SYT9: variants seen among roughly 807,000 people sequenced by gnomAD.
SYT9 encodes synaptotagmin-9.
In SYT9, 22 loss-of-function variants were observed where a neutral mutation model predicts 48.4. The ratio of observed to expected loss-of-function variants is 0.45; its 90% CI spans 0.32 to 0.65. The LOEUF (loss-of-function observed/expected upper bound fraction) is 0.65, where lower values mean the gene tolerates loss of function less well. Among genes scored for constraint, SYT9 ranks in the 30% least tolerant of loss-of-function variants. The pLI is 0.03. For missense variants in SYT9, 577 were observed against 622.0 expected (o/e 0.93, Z 0.77); for synonymous variants, 265 against 245.0 (o/e 1.08, Z -0.76).
At chr11:7,303,991 G>A (rs1332142991) in intron 2 of SYT9, among the ~76,000 whole-genome samples, 1 of 152,196 alleles carries the variant, frequency 6.6e-6, no homozygotes, top group Non-Finnish European at 1.5e-5. Context: ...TTGTCTGGAT[G>A]CTTTATGCTC....
At chr11:7,296,264 CTG>C (rs1046835085) in intron 1 of SYT9, among the ~76,000 whole-genome samples, 24 of 152,202 alleles carry the variant, frequency 1.6e-4, no homozygotes, top group African/African-American at 5.3e-4. Flanking sequence ...CATATCTTGA[CTG>C]TATAATTCTA....
intron 3 of SYT9, among the ~76,000 whole-genome samples, chr11:7,365,165 T>G (rs1172709314): frequency 6.6e-6 from 1 of 152,040 alleles, no homozygotes; most frequent in Non-Finnish European, 1.5e-5. Flanking sequence ...GTAAGCATTT[T>G]TGTCTTCATG....
At chr11:7,407,740 T>G (rs886528527) in intron 3 of SYT9, among the ~76,000 whole-genome samples, 7 of 152,230 alleles carry the variant, frequency 4.6e-5, no homozygotes, top group Non-Finnish European at 8.8e-5. Flanking sequence ...GTATCCAGTT[T>G]CCTTTTTCTG....
intron 3 of SYT9, among the ~76,000 whole-genome samples, chr11:7,348,061 T>C (rs1849835913): frequency 6.6e-6 from 1 of 152,236 alleles, no homozygotes; most frequent in African/African-American, 2.4e-5. Context: ...TTGGATTTTA[T>C]ATTAATTCAT....
chr11:7,365,775 T>A (rs1187320574), intron 3 of SYT9, among the ~76,000 whole-genome samples: 1 of 152,218 alleles, frequency 6.6e-6, no homozygotes, highest in Non-Finnish European at 1.5e-5. Context: ...TTGTTTTAGT[T>A]ACCAAAAATG....
intron 3 of SYT9, among the ~76,000 whole-genome samples, chr11:7,337,998 GT>G: frequency 6.6e-6 from 1 of 152,176 alleles, no homozygotes; most frequent in Middle Eastern, 3.4e-3. Context: ...CCCTGCACTT[GT>G]TTTGGTTGGT....
intron 3 of SYT9, among the ~76,000 whole-genome samples, chr11:7,355,769 G>A (rs940108611): frequency 3.3e-5 from 5 of 152,208 alleles, no homozygotes; most frequent in Non-Finnish European, 7.3e-5. Flanking sequence ...AAGGTTAAGT[G>A]GAACTTGTTC....
intron 3 of SYT9, 117 bp from the exon 4 acceptor site, chr11:7,415,925 T>C (rs1233293654): frequency 1.6e-6 from 2 of 1,264,916 alleles, no homozygotes; most frequent in Non-Finnish European, 2.2e-6. Context: ...ATACCAGGGA[T>C]TCTACAAGCT....
At chr11:7,260,227 C>T (rs1323067007) in intron 1 of SYT9, among the ~76,000 whole-genome samples, 1 of 152,112 alleles carries the variant, frequency 6.6e-6, no homozygotes, top group Non-Finnish European at 1.5e-5. Context: ...TTAATAAAAT[C>T]AAGAAGGGAG....
rs1401645160 is a variant in SYT9, at chr11:7,313,957, C to T, written c.1044+16C>T. The T allele has an allele frequency of 3.8e-6, 6 of 1,597,786 alleles. No individual in the cohort carries two copies. The highest frequency in any genetic ancestry group is 1.1e-5 in the South Asian group (1 of 88,848). ...TGTCACCAATGTGAGTCCAGCATTTCTTCATTTTTGTGGTGGGGGGCATCT... is the reference window on the plus strand; with the variant it reads ...TGTCACCAATGTGAGTCCAGCATTTTTTCATTTTTGTGGTGGGGGGCATCT... On this transcript the variant is annotated intron_variant, in intron 3 of 6. Transcript: ENST00000318881.
intron 2 of SYT9, among the ~76,000 whole-genome samples, chr11:7,309,962 T>C (rs1466683075): frequency 6.6e-6 from 1 of 152,218 alleles, no homozygotes; most frequent in Non-Finnish European, 1.5e-5. Flanking sequence ...GTTACAGTCT[T>C]CGCTGTCTGC....
At chr11:7,310,647 T>C (rs139496136) in intron 2 of SYT9, among the ~76,000 whole-genome samples, 1 of 152,104 alleles carries the variant, frequency 6.6e-6, no homozygotes, top group African/African-American at 2.4e-5. Flanking sequence ...GGGGTTTCAC[T>C]GTGTTAGCCA....
intron 5 of SYT9, among the ~76,000 whole-genome samples, chr11:7,418,387 A>T (rs1008972231): frequency 3.3e-5 from 5 of 151,830 alleles, no homozygotes; most frequent in African/African-American, 1.2e-4. Flanking sequence ...TCCTCCCCCA[A>T]CCTCCACCTC....
chr11:7,323,925 G>A (rs886451302), intron 3 of SYT9, among the ~76,000 whole-genome samples: 17 of 151,736 alleles, frequency 1.1e-4, no homozygotes, highest in African/African-American at 3.6e-4. Context: ...TATTATTAAA[G>A]GTGTACAAGC....
chr11:7,450,677 C>T (rs1848030674), intron 6 of SYT9, among the ~76,000 whole-genome samples: 1 of 152,212 alleles, frequency 6.6e-6, no homozygotes, highest in African/African-American at 2.4e-5. Flanking sequence ...CTTCTCTCCA[C>T]CTGTTAGGAA....
Position 7,418,114 on chromosome 11 carries a change from C to A in SYT9, c.1323C>A (p.Val441=). ...NIDQIHLSIA[V]MDYDRVGHNE... is the part of the protein sequence containing the mutation. ...ACCAAATCCACTTGTCCATAGCAGT[C>A]ATGGACTATGACCGGTGAGATACCT... Residue 441 remains valine, a synonymous_variant, in exon 5 of 7, where the codon GTC becomes GTA. Coordinates refer to ENST00000318881, the MANE Select transcript of SYT9 (RefSeq NM_175733.4). 2 of 1,613,812 alleles carry A rather than the reference C, an allele frequency of 1.2e-6. No homozygotes were observed. The highest frequency in any genetic ancestry group is 1.7e-6 in the Non-Finnish European group (2 of 1,179,892).
At chr11:7,435,149 T>A (rs1281968790) in intron 6 of SYT9, 1 of 152,304 alleles carries the variant, frequency 6.6e-6, no homozygotes, top group East Asian at 1.9e-4. Context: ...TCACTCACAG[T>A]GCGCCATCTG....
At chr11:7,420,981 G>T (rs1033428258) in intron 6 of SYT9, among the ~76,000 whole-genome samples, 2 of 152,176 alleles carry the variant, frequency 1.3e-5, no homozygotes, top group Admixed American at 1.3e-4. Context: ...ACAGTGACTT[G>T]AGACTGACTT....
At chr11:7,380,238 A>T (rs995585147) in intron 3 of SYT9, among the ~76,000 whole-genome samples, 4 of 152,092 alleles carry the variant, frequency 2.6e-5, no homozygotes, top group Non-Finnish European at 5.9e-5. Flanking sequence ...CTAAAAATCA[A>T]AATACTTGAA....
Sources: gnomAD v4.1 joint callset for allele counts (sites outside exome capture counted in the v4.1 genomes callset) on GRCh38, gnomAD v4.1.1 for gene constraint, MANE v1.5 for transcripts, NCBI Gene and HGNC (gene_info 2026-07-23, HGNC 2026-07-21) for gene names.